REXO5: variants seen among roughly 807,000 people sequenced by gnomAD.
REXO5 encodes exonuclease NEF-sp.
REXO5 carries 48 observed loss-of-function variants against 88.5 expected under a neutral mutation model. That is an observed-to-expected ratio of 0.54 (90% confidence interval 0.43 to 0.69). The LOEUF (loss-of-function observed/expected upper bound fraction) is 0.69. Among genes scored for constraint, REXO5 ranks in the 30% least tolerant of loss-of-function variants. The probability of loss-of-function intolerance (pLI) is 0.00; values close to 1 mark genes in which losing one functional copy is unlikely to be tolerated. For missense variants in REXO5, 749 were observed against 912.2 expected (o/e 0.82, Z 2.30); for synonymous variants, 311 against 336.5 (o/e 0.92, Z 0.83).
intron 6 of REXO5, among the ~76,000 whole-genome samples, chr16:20,822,904 C>G (rs1317830511): frequency 6.6e-6 from 1 of 152,142 alleles, no homozygotes; most frequent in African/African-American, 2.4e-5. Context: ...TGGGTATATA[C>G]CTAGGAGTAT....
chr16:20,826,003 A>G, intron 8 of REXO5, 55 bp downstream of exon 8: 3 of 1,105,596 alleles, frequency 2.7e-6, no homozygotes, highest in Non-Finnish European at 2.7e-6. Flanking sequence ...AGAATGGAAT[A>G]ATACTTAAGA....
In REXO5 at chr16:20,846,200, GAC is replaced by G; in HGVS notation, c.2125-17_2125-16del. ...CGAGAGAGTGTTCTGGCTGAGTATCGACACATGGCTTTGATCCCAGACTCTGA... is the reference window on the plus strand; with the variant it reads ...CGAGAGAGTGTTCTGGCTGAGTATCGACATGGCTTTGATCCCAGACTCTGA... On this transcript the variant is annotated intron_variant, in intron 18 of 19. Transcript: ENST00000261377. 1 of 1,592,300 alleles carries G rather than the reference GAC, an allele frequency of 6.3e-7. No homozygotes were observed. The highest frequency in any genetic ancestry group is 1.3e-5 in the African/African-American group (1 of 74,582).
At position 20,827,450 on chromosome 16, in the gene REXO5, A is replaced by T; in HGVS notation, c.1055+3A>T. On this transcript the variant is annotated splice_donor_region_variant and intron_variant, in intron 10 of 19. Coordinates refer to ENST00000261377, the MANE Select transcript of REXO5 (RefSeq NM_030941.3). ...TTCTTAGCCAAAGTTATTTTGGGGTAGGTTTGCTTATATGCTGTAATATTG... is the reference window on the plus strand; with the variant it reads ...TTCTTAGCCAAAGTTATTTTGGGGTTGGTTTGCTTATATGCTGTAATATTG... The T allele has an allele frequency of 4.4e-6, 7 of 1,607,030 alleles. No individual in the cohort carries two copies. Among genetic ancestry groups the T allele is most frequent in the Non-Finnish European group, 6.0e-6 (7 of 1,174,096 alleles).
chr16:20,825,300 AAGACC>A (rs1293355699), intron 7 of REXO5, among the ~76,000 whole-genome samples: 1 of 152,222 alleles, frequency 6.6e-6, no homozygotes, highest in Non-Finnish European at 1.5e-5. Context: ...TAGAGTAACT[AAGACC>A]TAAAATTTGA....
At chr16:20,847,841 G>A (rs1031971870) in intron 19 of REXO5, among the ~76,000 whole-genome samples, 4 of 152,160 alleles carry the variant, frequency 2.6e-5, no homozygotes, top group Non-Finnish European at 4.4e-5. Flanking sequence ...ATGTTCTCAC[G>A]TAGAATACTT....
chr16:20,827,335 ATT>A lies in REXO5; in HGVS notation c.961-17_961-16del. The A allele has an allele frequency of 6.2e-7, 1 of 1,608,044 alleles. No individual in the cohort carries two copies. Among genetic ancestry groups the A allele is most frequent in the Non-Finnish European group, 8.5e-7 (1 of 1,175,462 alleles). ...TTTAGCATAAGACACTACTCATTTT[ATT>A]CTCTTTCTTCCTCAGATGATACATC... is the stretch of plus-strand genomic sequence containing the variant. On this transcript the variant is annotated splice_polypyrimidine_tract_variant and intron_variant, in intron 9 of 19. Transcript: ENST00000261377.
chr16:20,815,855 A>G (rs1393309854), intron 4 of REXO5, among the ~76,000 whole-genome samples: 1 of 152,240 alleles, frequency 6.6e-6, no homozygotes, highest in Non-Finnish European at 1.5e-5. Flanking sequence ...TTGAAAATAC[A>G]AAGGGACTTT....
At chr16:20,824,111 C>T (rs892148328) in intron 6 of REXO5, among the ~76,000 whole-genome samples, 2 of 152,164 alleles carry the variant, frequency 1.3e-5, no homozygotes, top group East Asian at 1.9e-4. Flanking sequence ...ACATGGAAAG[C>T]GCCTAATGAC....
In REXO5 at chr16:20,845,203, C is replaced by G; in HGVS notation, c.2086C>G (p.Arg696Gly). The change falls in exon 18 of 20, where the codon CGT (arginine) becomes GGT (glycine). Residue 696 changes from arginine to glycine, a missense_variant. Coordinates refer to ENST00000261377, the MANE Select transcript of REXO5 (RefSeq NM_030941.3). ...PPESTRLPGL[R>G]VVPPPFEQEA... Reference sequence around the variant, plus strand: ...TGAATCAACAAGGCTCCCAGGGCTTCGTGTTGTACCTCCCCCCTTTGAACA... The same window carrying G: ...TGAATCAACAAGGCTCCCAGGGCTTGGTGTTGTACCTCCCCCCTTTGAACA... 3 of 1,613,586 alleles carry G rather than the reference C, an allele frequency of 1.9e-6. No homozygotes were observed. Among genetic ancestry groups the G allele is most frequent in the Non-Finnish European group, 2.5e-6 (3 of 1,179,838 alleles).
chr16:20,834,450 C>T (rs2107234), intron 13 of REXO5, among the ~76,000 whole-genome samples: 94,515 of 151,980 alleles, frequency 0.62, 30,487 homozygotes, highest in Non-Finnish European at 0.72. Context: ...CTTTTTTATG[C>T]GTCTTTTGCT....
Position 20,849,455 on chromosome 16 carries a change from G to C in REXO5, c.2300G>C (p.Ser767Thr), listed in dbSNP as rs746107557. 2 of 1,614,092 alleles carry C rather than the reference G, an allele frequency of 1.2e-6. No individual in the cohort carries two copies. The highest frequency in any genetic ancestry group is 1.7e-6 in the Non-Finnish European group (2 of 1,179,932). The change falls in exon 20 of 20, where the codon AGC (serine) becomes ACC (threonine). Residue 767 changes from serine (S) to threonine (T), a missense_variant. Physicochemically the swap from Ser to Thr is moderately conservative, Grantham distance 58 (BLOSUM62 1). Coordinates refer to ENST00000261377, the MANE Select transcript of REXO5 (RefSeq NM_030941.3). ...ATGGGAATAAAAGAGGAAGAAGAAA[G>C]CGCTGGCCCAGGCCTGTGTTCGTGA... is the stretch of plus-strand genomic sequence containing the variant. ...GLMGIKEEEE[S>T]AGPGLCS
intron 11 of REXO5, 94 bp downstream of exon 11, chr16:20,828,631 T>C (rs1364563271): frequency 2.2e-6 from 2 of 915,654 alleles, no homozygotes; most frequent in African/African-American, 1.7e-5. Context: ...TCTATTTTTA[T>C]GAAAATGGCA....
At chr16:20,821,386 A>G (rs1252298835) in intron 5 of REXO5, among the ~76,000 whole-genome samples, 1 of 152,136 alleles carries the variant, frequency 6.6e-6, no homozygotes, top group Non-Finnish European at 1.5e-5. Context: ...TCTCGGGTTC[A>G]CGCCATTCTG....
At chr16:20,807,151 C>T (rs1304873071) in intron 2 of REXO5, 60 bp downstream of exon 2, 10 of 1,539,082 alleles carry the variant, frequency 6.5e-6, no homozygotes, top group Non-Finnish European at 8.8e-6. Context: ...CGGACCCTCG[C>T]CCAACCGCCG....
At chr16:20,829,715 A>G (rs2081312045) in intron 11 of REXO5, among the ~76,000 whole-genome samples, 3 of 152,176 alleles carry the variant, frequency 2.0e-5, no homozygotes, top group Non-Finnish European at 2.9e-5. Context: ...CCTGTGAGTT[A>G]GCTATTATCA....
At chr16:20,825,009 A>G (rs1371187824) in intron 7 of REXO5, among the ~76,000 whole-genome samples, 1 of 145,964 alleles carries the variant, frequency 6.9e-6, no homozygotes, top group East Asian at 2.2e-4. Context: ...CTCGATCTCA[A>G]AAAAAAAAAA....
chr16:20,829,215 G>T (rs986525009), intron 11 of REXO5, among the ~76,000 whole-genome samples: 3 of 152,156 alleles, frequency 2.0e-5, no homozygotes, highest in Non-Finnish European at 4.4e-5. Context: ...ATTGTTGAGA[G>T]TAAATGAGAT....
chr16:20,817,924 A>G (rs941686897), intron 5 of REXO5, among the ~76,000 whole-genome samples: 16 of 152,236 alleles, frequency 1.1e-4, no homozygotes, highest in Admixed American at 2.0e-4. Flanking sequence ...GTCCTCAGTC[A>G]TAACATAGCT....
At chr16:20,838,554 GTTCTGGAGATTTGTC>G (rs1239580114) in intron 13 of REXO5, among the ~76,000 whole-genome samples, 3 of 152,148 alleles carry the variant, frequency 2.0e-5, no homozygotes, top group Non-Finnish European at 4.4e-5. Context: ...TCCCAAACCT[GTTCTGGAGATTTGTC>G]TTCTCTGGGG....
Sources: allele counts gnomAD v4.1 joint callset (sites outside exome capture counted in the v4.1 genomes callset), GRCh38; gene constraint gnomAD v4.1.1; transcripts MANE v1.5; gene names NCBI Gene and HGNC (gene_info 2026-07-23, HGNC 2026-07-21).